DPF3: variants seen among roughly 807,000 people sequenced by gnomAD.
DPF3 encodes zinc finger protein DPF3.
Under a neutral mutation model 56.8 loss-of-function variants are expected in DPF3, and 18 were observed. That is an observed-to-expected ratio of 0.32 (90% CI 0.22 to 0.47). The LOEUF is 0.47. DPF3 is among the 20% of genes least tolerant of loss of function. DPF3 has a pLI of 1.00. For synonymous variants in DPF3, 188 were observed against 180.2 expected, an observed-to-expected ratio of 1.04 and a Z score of -0.35; for missense variants, 403 against 488.8, an observed-to-expected ratio of 0.82 and a Z score of 1.65.
At chr14:72,764,786 C>G (rs1295730199) in intron 2 of DPF3, among the ~76,000 whole-genome samples, 1 of 152,156 alleles carries the variant, frequency 6.6e-6, no homozygotes, top group African/African-American at 2.4e-5. Context: ...CCACCGCGCC[C>G]GGCCTGTTTT....
intron 5 of DPF3, among the ~76,000 whole-genome samples, chr14:72,720,627 C>A (rs568542375): frequency 8.9e-4 from 135 of 152,208 alleles, no homozygotes; most frequent in Non-Finnish European, 1.7e-3. Flanking sequence ...TTCTCTTTTC[C>A]ATCATTCAAT....
intron 1 of DPF3, among the ~76,000 whole-genome samples, chr14:72,892,942 TGGAA>T (rs61598180): frequency 0.11 from 14,592 of 132,524 alleles, 2,251 homozygotes; most frequent in Middle Eastern, 0.2. Context: ...TTCCACTGAC[TGGAA>T]GGAAGGAAGG....
At chr14:72,761,953 T>C (rs1233760575) in intron 2 of DPF3, among the ~76,000 whole-genome samples, 2 of 151,810 alleles carry the variant, frequency 1.3e-5, no homozygotes, top group Non-Finnish European at 3.0e-5. Flanking sequence ...TAGGAGAATG[T>C]AGATAAAAGA....
At chr14:72,701,920 C>T (rs748293708) in intron 6 of DPF3, among the ~76,000 whole-genome samples, 7 of 152,176 alleles carry the variant, frequency 4.6e-5, no homozygotes, top group Non-Finnish European at 8.8e-5. Context: ...CATCTGTCAC[C>T]CAGACCCCAC....
intron 6 of DPF3, among the ~76,000 whole-genome samples, chr14:72,695,619 T>A (rs1599364296): frequency 6.6e-6 from 1 of 152,164 alleles, no homozygotes; most frequent in South Asian, 2.1e-4. Flanking sequence ...TATGGCTGTG[T>A]AATATTCCAC....
chr14:72,807,146 G>A (rs1043853635), intron 1 of DPF3, among the ~76,000 whole-genome samples: 2 of 152,122 alleles, frequency 1.3e-5, no homozygotes, highest in Admixed American at 1.3e-4. Context: ...GATATCTAGG[G>A]ACCTTGAAGC....
intron 8 of DPF3, among the ~76,000 whole-genome samples, chr14:72,645,981 C>G (rs968095562): frequency 2.6e-5 from 4 of 152,156 alleles, no homozygotes; most frequent in African/African-American, 9.7e-5. Context: ...AAATGCTCAC[C>G]CCGGATCTGA....
At chr14:72,744,889 C>T (rs1166831027) in intron 3 of DPF3, among the ~76,000 whole-genome samples, 1 of 152,152 alleles carries the variant, frequency 6.6e-6, no homozygotes, top group Admixed American at 6.5e-5. Flanking sequence ...AGGCCAGTGG[C>T]CCCTCAGTCT....
intron 7 of DPF3, among the ~76,000 whole-genome samples, chr14:72,691,564 T>C (rs1179005154): frequency 6.6e-6 from 1 of 151,944 alleles, no homozygotes; most frequent in Non-Finnish European, 1.5e-5. Context: ...CTGTCTCTAC[T>C]AAAAATACAA....
chr14:72,756,906 A>AAAAGAAAGAAAGAAAGAAAGAAAGACAG (rs1890845927), intron 2 of DPF3, among the ~76,000 whole-genome samples: 1 of 74,660 alleles, frequency 1.3e-5, no homozygotes, highest in African/African-American at 6.7e-5. Flanking sequence ...AGAAAAGAAA[A>AAAAGAAAGAAAGAAAGAAAGAAAGACAG]AAAGAAAGAA....
intron 1 of DPF3, among the ~76,000 whole-genome samples, chr14:72,889,851 T>C (rs920656637): frequency 6.6e-6 from 1 of 152,248 alleles, no homozygotes; most frequent in African/African-American, 2.4e-5. Flanking sequence ...CAAGCAAGGT[T>C]AACTCCTTAC....
intron 8 of DPF3, 156 bp downstream of exon 8, chr14:72,674,084 A>C (rs1012331911): frequency 3.4e-6 from 4 of 1,193,974 alleles, no homozygotes; most frequent in Non-Finnish European, 4.5e-6. Flanking sequence ...GACCCAAAGA[A>C]GAAAAATATC....
rs533793531 is a variant in DPF3, at chr14:72,611,518, C to T, written c.*7779G>A. On this transcript the variant is annotated 3_prime_UTR_variant, in exon 11 of 11. Transcript: ENST00000556509. ...CAATCTGTACTTGAAGCCCCCACCC[C>T]CCCAGTCCCGCTCTCTGCTTTCTCT... Among the ~76,000 whole-genome samples the T allele has an allele frequency of 5.8e-4, 88 of 152,272 alleles. No homozygotes were observed. Among genetic ancestry groups the T allele is most frequent in the African/African-American group, 2.1e-3 (86 of 41,574 alleles).
chr14:72,643,294 A>G (rs1239596012), intron 8 of DPF3, among the ~76,000 whole-genome samples: 3 of 152,140 alleles, frequency 2.0e-5, no homozygotes, highest in African/African-American at 7.2e-5. Flanking sequence ...AGTTTCCTCC[A>G]TTTGCACCAC....
chr14:72,679,475 G>A (rs932881425), intron 7 of DPF3, among the ~76,000 whole-genome samples: 1 of 152,138 alleles, frequency 6.6e-6, no homozygotes, highest in African/African-American at 2.4e-5. Context: ...AGCCCCAGCT[G>A]AGCAGCTCCA....
intron 8 of DPF3, among the ~76,000 whole-genome samples, chr14:72,643,945 C>G (rs1557926): frequency 0.61 from 92,444 of 151,908 alleles, 28,755 homozygotes; most frequent in East Asian, 0.97. Flanking sequence ...CCCAACGAAG[C>G]CTCACTGGCT....
chr14:72,880,705 T>C (rs571618281), intron 1 of DPF3, among the ~76,000 whole-genome samples: 3 of 152,216 alleles, frequency 2.0e-5, no homozygotes, highest in African/African-American at 7.2e-5. Flanking sequence ...TAAAGGCGCG[T>C]GCCACCACAC....
intron 3 of DPF3, among the ~76,000 whole-genome samples, chr14:72,741,499 A>T (rs2139876140): frequency 6.6e-6 from 1 of 152,322 alleles, no homozygotes; most frequent in South Asian, 2.1e-4. Flanking sequence ...AGATGGCAAC[A>T]CTTGGGCCCC....
chr14:72,753,432 C>T (rs1397062705), intron 2 of DPF3, 61 bp from the exon 3 acceptor site: 2 of 1,287,624 alleles, frequency 1.6e-6, no homozygotes, highest in Non-Finnish European at 1.1e-6. Context: ...TTGGAAACTA[C>T]CCTGACTAAC....
Sources: allele counts gnomAD v4.1 joint callset (sites outside exome capture counted in the v4.1 genomes callset), GRCh38; gene constraint gnomAD v4.1.1; transcripts MANE v1.5; gene names NCBI Gene and HGNC (gene_info 2026-07-23, HGNC 2026-07-21).